TOP3A: variants seen among roughly 807,000 people sequenced by gnomAD.
The protein encoded by TOP3A is DNA topoisomerase 3-alpha.
A neutral mutation model predicts 111.3 loss-of-function variants in TOP3A; 64 were observed. The ratio of observed to expected loss-of-function variants is 0.57; its 90% CI spans 0.47 to 0.71. TOP3A has a LOEUF of 0.71. Among genes scored for constraint, TOP3A ranks in the 30% least tolerant of loss-of-function variants. The pLI is 0.00. For synonymous variants in TOP3A, 484 were observed against 485.1 expected (o/e 1.00, Z 0.03); for missense variants, 1,104 against 1,285.0 (o/e 0.86, Z 2.15).
At chr17:18,289,300 T>C (rs7207666) in intron 13 of TOP3A, among the ~76,000 whole-genome samples, 75,617 of 151,956 alleles carry the variant, frequency 0.5, 20,238 homozygotes, top group African/African-American at 0.7. Flanking sequence ...CAGGCATGAG[T>C]CACCGTGCCC....
chr17:18,304,595 TATGA>T (rs1439313046), intron 5 of TOP3A, among the ~76,000 whole-genome samples: 2 of 152,186 alleles, frequency 1.3e-5, no homozygotes, highest in Non-Finnish European at 2.9e-5. Flanking sequence ...CATTGTATAA[TATGA>T]GAGATTAAAA....
intron 15 of TOP3A, 25 bp from the exon 16 acceptor site, chr17:18,282,866 C>T (rs780013529): frequency 1.2e-6 from 2 of 1,613,138 alleles, no homozygotes; most frequent in Admixed American, 3.3e-5. Flanking sequence ...AAGACAGACA[C>T]CCATCAGCCA....
intron 15 of TOP3A, among the ~76,000 whole-genome samples, chr17:18,283,355 G>A (rs987043135): frequency 6.6e-6 from 1 of 151,726 alleles, no homozygotes; most frequent in Non-Finnish European, 1.5e-5. Flanking sequence ...GGCAACAAGA[G>A]CGAAACTCCA....
chr17:18,283,548 T>C lies in TOP3A; in HGVS notation c.1878-707A>G, dbSNP rs566673682. ...CTCACAACACACATCAGACACCAGA[T>C]GTATGGGAGTTTTCCCCATACACCA... On this transcript the variant is annotated intron_variant, in intron 15 of 18. Transcript: ENST00000321105. 1.0e-3 allele frequency among the ~76,000 whole-genome samples: 156 copies of C among 152,282 alleles called. 1 individual carries two copies. The highest frequency in any genetic ancestry group is 6.8e-3 in the Middle Eastern group (2 of 294).
chr17:18,282,706 C>T lies in TOP3A; in HGVS notation c.2013G>A (p.Lys671=). 6.2e-7 allele frequency: 1 copy of T among 1,613,602 alleles called. No homozygotes were observed. The highest frequency in any genetic ancestry group is 8.5e-7 in the Non-Finnish European group (1 of 1,179,922). The stretch of plus-strand genomic sequence containing the variant: ...GAAGGCAGCGCACTCACCCGCCATT[C>T]TTCTTGGTCTTAAGGACCATGTCCT... ...CNKDMVLKTK[K]NGGFYLSCMG... Residue 671 remains lysine, a synonymous_variant, in exon 16 of 19, where the codon AAG becomes AAA. Transcript: ENST00000321105.
Position 18,290,897 on chromosome 17 carries a change from A to G in TOP3A, c.1412T>C (p.Met471Thr). 6.2e-7 allele frequency: 1 copy of G among 1,614,254 alleles called. No individual in the cohort carries two copies. The highest frequency in any genetic ancestry group is 2.2e-5 in the East Asian group (1 of 44,896). ...AQERFVAHGL[M>T]ILARNYLDVY... ...ATCCAGATAGTTTCGGGCCAGAATC[A>G]TGAGGCCATGGGCCACAAAGCGTTC... The change falls in exon 12 of 19, where the codon ATG (methionine) becomes ACG (threonine). Residue 471 changes from methionine to threonine, a missense_variant. By Grantham distance (81) the Met-to-Thr change is moderately conservative. Coordinates refer to ENST00000321105, the MANE Select transcript of TOP3A (RefSeq NM_004618.5).
At chr17:18,294,902 A>G in intron 9 of TOP3A, 117 bp from the exon 10 acceptor site, 1 of 689,354 alleles carries the variant, frequency 1.5e-6, no homozygotes, top group Non-Finnish European at 2.6e-6. Context: ...GCTTCTGTCA[A>G]ACAGAGCTGA....
chr17:18,298,448 C>T (rs1981003379), intron 9 of TOP3A, among the ~76,000 whole-genome samples: 1 of 148,770 alleles, frequency 6.7e-6, no homozygotes, highest in African/African-American at 2.5e-5. Context: ...CAGCCCCCCG[C>T]CCGGCCAGCC....
At chr17:18,287,728 C>T (rs1010633450) in intron 13 of TOP3A, among the ~76,000 whole-genome samples, 1 of 152,068 alleles carries the variant, frequency 6.6e-6, no homozygotes, top group African/African-American at 2.4e-5. Context: ...GGCATGGTGG[C>T]TAACACCTGT....
chr17:18,295,525 G>A (rs867343159), intron 9 of TOP3A, among the ~76,000 whole-genome samples: 1 of 152,124 alleles, frequency 6.6e-6, no homozygotes, highest in Admixed American at 6.6e-5. Context: ...GCAGTGGCAC[G>A]ATCTCGGCTC....
rs1338148227 is a variant in TOP3A at position 18,285,141 on chromosome 17, C to T, written c.1877+1G>A. On this transcript the variant is annotated splice_donor_variant, in intron 15 of 18. Coordinates refer to ENST00000321105, the MANE Select transcript of TOP3A (RefSeq NM_004618.5). LOFTEE classifies it high-confidence loss of function. The stretch of plus-strand genomic sequence containing the variant: ...CCTCTGTATTTCTTTTAAGGACTTA[C>T]TTCTTTGCTTTAGCCACCGCTTCAA... 6.2e-7 allele frequency: 1 copy of T among 1,613,466 alleles called. No homozygotes were observed. Among genetic ancestry groups the T allele is most frequent in the Non-Finnish European group, 8.5e-7 (1 of 1,180,014 alleles).
intron 16 of TOP3A, among the ~76,000 whole-genome samples, chr17:18,282,447 C>G (rs746029246): frequency 3.9e-5 from 6 of 152,198 alleles, no homozygotes; most frequent in Non-Finnish European, 8.8e-5. Flanking sequence ...TATATGATGT[C>G]CTATCCACAG....
intron 18 of TOP3A, 61 bp from the exon 19 acceptor site, chr17:18,275,041 G>A: frequency 6.4e-7 from 1 of 1,564,856 alleles, no homozygotes; most frequent in Non-Finnish European, 8.7e-7. Context: ...GGCAAGTCCT[G>A]AACACGGTGG....
At chr17:18,280,857 C>T (rs1359264103) in intron 16 of TOP3A, among the ~76,000 whole-genome samples, 199 bp from the exon 17 acceptor site, 1 of 152,256 alleles carries the variant, frequency 6.6e-6, no homozygotes, top group Non-Finnish European at 1.5e-5. Context: ...CACAAAGCAG[C>T]TATTGCTGGC....
intron 5 of TOP3A, 157 bp from the exon 6 acceptor site, chr17:18,302,880 A>G (rs1389600747): frequency 1.3e-6 from 1 of 777,662 alleles, no homozygotes; most frequent in Non-Finnish European, 2.0e-6. Context: ...AATGGTGTAC[A>G]GTGTCTAAAG....
intron 15 of TOP3A, 61 bp downstream of exon 15, chr17:18,285,081 G>A (rs1478004050): frequency 5.7e-6 from 9 of 1,580,244 alleles, no homozygotes; most frequent in South Asian, 2.2e-5. Flanking sequence ...TTGAGGCCAG[G>A]AGTTCAAGAC....
At chr17:18,296,537 G>A (rs1409572316) in intron 9 of TOP3A, among the ~76,000 whole-genome samples, 7 of 152,090 alleles carry the variant, frequency 4.6e-5, no homozygotes, top group African/African-American at 9.7e-5. Flanking sequence ...CCAAGATCAC[G>A]CCACTGCACT....
intron 17 of TOP3A, among the ~76,000 whole-genome samples, chr17:18,279,446 C>T (rs930394694): frequency 1.5e-4 from 23 of 149,618 alleles, no homozygotes; most frequent in Non-Finnish European, 2.8e-4. Context: ...TTAGTAGAGA[C>T]GGGGTTTCAC....
chr17:18,303,926 G>C (rs1381605749), intron 5 of TOP3A, among the ~76,000 whole-genome samples: 1 of 152,128 alleles, frequency 6.6e-6, no homozygotes, highest in Admixed American at 6.5e-5. Flanking sequence ...GGTGTGGAGG[G>C]GCAGGCCCCC....
Sources: gnomAD v4.1 joint callset for allele counts (sites outside exome capture counted in the v4.1 genomes callset) on GRCh38, gnomAD v4.1.1 for gene constraint, MANE v1.5 for transcripts, NCBI Gene and HGNC (gene_info 2026-07-23, HGNC 2026-07-21) for gene names.